NIPA1: variants seen among roughly 807,000 people sequenced by gnomAD.
The protein encoded by NIPA1 is NIPA magnesium transporter 1, also known as magnesium transporter NIPA1.
Under a neutral mutation model 23.9 loss-of-function variants are expected in NIPA1, and 13 were observed. The ratio of observed to expected loss-of-function variants is 0.54; its 90% CI spans 0.35 to 0.87. The LOEUF (loss-of-function observed/expected upper bound fraction) is 0.87. Ranked by LOEUF, NIPA1 falls within the 40% of genes least tolerant of loss-of-function variation. The probability of loss-of-function intolerance (pLI) is 0.01; values close to 1 mark genes in which losing one functional copy is unlikely to be tolerated. For missense variants in NIPA1, 362 were observed against 429.7 expected, an observed-to-expected ratio of 0.84 and a Z score of 1.39; for synonymous variants, 234 against 202.9, an observed-to-expected ratio of 1.15 and a Z score of -1.30.
At chr15:22,801,816 T>A (rs906886002) in intron 1 of NIPA1, among the ~76,000 whole-genome samples, 2 of 152,034 alleles carry the variant, frequency 1.3e-5, no homozygotes, top group African/African-American at 4.8e-5. Context: ...CGCCTGGCTG[T>A]GACTTTTTAT....
chr15:22,812,954 G>A (rs750023138), intron 3 of NIPA1, among the ~76,000 whole-genome samples: 40 of 152,100 alleles, frequency 2.6e-4, no homozygotes, highest in Non-Finnish European at 4.7e-4. Flanking sequence ...GCTGGATGCC[G>A]GACAGTCCCC....
chr15:22,799,805 GTGT>G (rs1566779476), intron 1 of NIPA1, among the ~76,000 whole-genome samples: 2 of 128,196 alleles, frequency 1.6e-5, no homozygotes, highest in Non-Finnish European at 3.6e-5. Flanking sequence ...AATTAGGCGA[GTGT>G]TGTGGTGCAC....
intron 1 of NIPA1, among the ~76,000 whole-genome samples, chr15:22,790,613 C>T (rs1490619954): frequency 6.6e-6 from 1 of 151,896 alleles, no homozygotes. Context: ...CAGGTTTCTC[C>T]ATATTGGTCA....
chr15:22,810,192 G>T (rs1416986812), intron 1 of NIPA1, among the ~76,000 whole-genome samples: 1 of 152,230 alleles, frequency 6.6e-6, no homozygotes, highest in African/African-American at 2.4e-5. Flanking sequence ...CGTGGGATGG[G>T]TGGGGTAACC....
chr15:22,790,744 T>C (rs1344135369), intron 1 of NIPA1, among the ~76,000 whole-genome samples: 1 of 151,982 alleles, frequency 6.6e-6, no homozygotes, highest in Non-Finnish European at 1.5e-5. Flanking sequence ...CACCAGGCAT[T>C]GTGTAGGTGT....
intron 3 of NIPA1, among the ~76,000 whole-genome samples, chr15:22,818,928 G>T (rs1895478443): frequency 6.6e-6 from 1 of 152,144 alleles, no homozygotes; most frequent in East Asian, 1.9e-4. Context: ...TCTTGGCATA[G>T]TCCACCCGTT....
intron 1 of NIPA1, among the ~76,000 whole-genome samples, chr15:22,792,147 G>A (rs1054277080): frequency 6.6e-6 from 1 of 152,194 alleles, no homozygotes; most frequent in Non-Finnish European, 1.5e-5. Context: ...TTCACAGGAT[G>A]TGAATGTTTG....
chr15:22,805,949 A>G (rs1196914085), intron 1 of NIPA1, among the ~76,000 whole-genome samples: 1 of 151,776 alleles, frequency 6.6e-6, no homozygotes, highest in African/African-American at 2.4e-5. Flanking sequence ...TTTGGGATGG[A>G]GTCTCACTCT....
At chr15:22,796,304 T>C (rs1036031811) in intron 1 of NIPA1, among the ~76,000 whole-genome samples, 3 of 152,066 alleles carry the variant, frequency 2.0e-5, no homozygotes, top group Non-Finnish European at 4.4e-5. Flanking sequence ...AGAAATTCAT[T>C]TTCATTTTCT....
chr15:22,820,755 C>T (rs1420612663), intron 4 of NIPA1, among the ~76,000 whole-genome samples: 2 of 152,094 alleles, frequency 1.3e-5, no homozygotes, highest in Non-Finnish European at 2.9e-5. Flanking sequence ...GCATGGGCGC[C>T]TTCCCTTCCC....
intron 1 of NIPA1, among the ~76,000 whole-genome samples, chr15:22,796,802 C>G (rs1305746373): frequency 6.6e-5 from 10 of 152,172 alleles, no homozygotes; most frequent in Non-Finnish European, 1.3e-4. Flanking sequence ...CCGACCCATG[C>G]AGGGACAGGG....
chr15:22,803,188 C>G (rs570711377), intron 1 of NIPA1, among the ~76,000 whole-genome samples: 1 of 151,888 alleles, frequency 6.6e-6, no homozygotes, highest in African/African-American at 2.4e-5. Flanking sequence ...AACTCCTGAC[C>G]GCGGGTGATC....
intron 3 of NIPA1, among the ~76,000 whole-genome samples, chr15:22,813,230 G>T (rs559896145): frequency 1.3e-5 from 2 of 152,058 alleles, no homozygotes; most frequent in Non-Finnish European, 2.9e-5. Flanking sequence ...TGAGGACTCT[G>T]GGAACTGAGG....
chr15:22,816,093 G>A (rs1300094485), intron 3 of NIPA1, among the ~76,000 whole-genome samples: 1 of 150,236 alleles, frequency 6.7e-6, no homozygotes, highest in Non-Finnish European at 1.5e-5. Context: ...TATAGCCACA[G>A]CAATTAGGTA....
intron 3 of NIPA1, among the ~76,000 whole-genome samples, chr15:22,816,424 T>A (rs1895419490): frequency 6.8e-6 from 1 of 148,142 alleles, no homozygotes; most frequent in Non-Finnish European, 1.5e-5. Flanking sequence ...CCTGACCTTG[T>A]GGTCTGCCTG....
intron 3 of NIPA1, among the ~76,000 whole-genome samples, chr15:22,819,733 T>C (rs1326935874): frequency 6.6e-6 from 1 of 152,326 alleles, no homozygotes; most frequent in Non-Finnish European, 1.5e-5. Flanking sequence ...AGCATAGATA[T>C]TAGTATTTTT....
chr15:22,802,606 G>A (rs533168261), intron 1 of NIPA1, among the ~76,000 whole-genome samples: 1 of 151,954 alleles, frequency 6.6e-6, no homozygotes, highest in Non-Finnish European at 1.5e-5. Flanking sequence ...GATCTTAAAG[G>A]TACAGTTTGA....
intron 1 of NIPA1, among the ~76,000 whole-genome samples, chr15:22,802,234 A>C (rs1042119581): frequency 6.6e-6 from 1 of 152,056 alleles, no homozygotes; most frequent in African/African-American, 2.4e-5. Context: ...TCTACTAAAA[A>C]TACAAAAATT....
In NIPA1 at chr15:22,816,486, C is replaced by CTTTTTTTTT. The variant is rs71117480; in HGVS notation, c.318-3812_318-3804dup. 2.4e-4 allele frequency among the ~76,000 whole-genome samples: 10 copies of CTTTTTTTTT among 42,302 alleles called. 3 individuals carry two copies. Among genetic ancestry groups the CTTTTTTTTT allele is most frequent in the Non-Finnish European group, 4.1e-4 (10 of 24,504 alleles). 27.8% of individuals were successfully genotyped at this position (42,302 alleles called of 152,430 possible). Reference sequence around the variant, plus strand: ...ACAGGTGTGAGCCACCGCACCCAGCCTTTTTTTTTTTTTTTTTTTTTTTCA... The same window carrying CTTTTTTTTT: ...ACAGGTGTGAGCCACCGCACCCAGCCTTTTTTTTTTTTTTTTTTTTTTTTTTTTTTTTCA... On this transcript the variant is annotated intron_variant, in intron 3 of 4. Transcript: ENST00000337435.
Sources: allele counts gnomAD v4.1 joint callset (sites outside exome capture counted in the v4.1 genomes callset), GRCh38; gene constraint gnomAD v4.1.1; transcripts MANE v1.5; gene names NCBI Gene and HGNC (gene_info 2026-07-23, HGNC 2026-07-21).